The following ZFAND4 variants were observed in gnomAD, a reference collection of about 807,000 sequenced individuals.
The protein encoded by ZFAND4 is AN1-type zinc finger protein 4.
ZFAND4 carries 43 observed loss-of-function variants against 64.4 expected under a neutral mutation model. That is an observed-to-expected ratio of 0.67 (90% CI 0.52 to 0.86). ZFAND4 has a LOEUF of 0.86. Among genes scored for constraint, ZFAND4 ranks in the 40% least tolerant of loss-of-function variants. The probability of loss-of-function intolerance (pLI) is 0.00; values close to 1 mark genes in which losing one functional copy is unlikely to be tolerated. For synonymous variants in ZFAND4, 296 were observed against 305.7 expected, an observed-to-expected ratio of 0.97 and a Z score of 0.33; for missense variants, 929 against 859.8, an observed-to-expected ratio of 1.08 and a Z score of -1.01.
rs12267385 is a variant in ZFAND4, at chr10:45,626,751, G to A, written c.1072C>T (p.His358Tyr). The A allele has an allele frequency of 5.3e-3, 8,531 of 1,614,158 alleles. 306 individuals carry two copies. In the African/African-American group the frequency reaches 0.079, roughly 15 times the overall value. ...TGCCTAGGCAGGGATGATCCAAGAT[G>A]GAGAACAGAGTCAGCAAGCTCCTGG... is the stretch of plus-strand genomic sequence containing the variant. ...NDQELADSVLHLGSSLPRQTK... is the reference protein window; with the variant it reads ...NDQELADSVLYLGSSLPRQTK... Residue 358 changes from histidine to tyrosine, a missense_variant, in exon 7 of 10, where the codon CAT (histidine) becomes TAT (tyrosine). Physicochemically the swap from His to Tyr is moderately conservative, Grantham distance 83. Coordinates refer to ENST00000344646, the MANE Select transcript of ZFAND4 (RefSeq NM_174890.4).
rs146866329 is a variant in ZFAND4 at position 45,626,820 on chromosome 10, C to G, written c.1003G>C (p.Val335Leu). 1 of 1,614,056 alleles carries G rather than the reference C, an allele frequency of 6.2e-7. No individual in the cohort carries two copies. The highest frequency in any genetic ancestry group is 1.3e-5 in the African/African-American group (1 of 74,920). The stretch of plus-strand genomic sequence containing the variant: ...TGGGGTATCTGAGGAGGTAGTTTGA[C>G]GTTGCTACTGAAGTGAGACAGTGTG... ...NNTLSHFSSN[V>L]KLPPQIPHLE... The change falls in exon 7 of 10, where the codon GTC becomes CTC. Residue 335 changes from valine (V) to leucine (L), a missense_variant. Coordinates refer to ENST00000344646, the MANE Select transcript of ZFAND4 (RefSeq NM_174890.4).
intron 5 of ZFAND4, among the ~76,000 whole-genome samples, chr10:45,645,369 G>A (rs1274563240): frequency 2.6e-5 from 4 of 152,142 alleles, no homozygotes; most frequent in African/African-American, 9.7e-5. Context: ...TAAACCAGCA[G>A]TGTTAATGGT....
At chr10:45,669,911 C>A (rs2049068721) in intron 1 of ZFAND4, among the ~76,000 whole-genome samples, 1 of 152,158 alleles carries the variant, frequency 6.6e-6, no homozygotes, top group Admixed American at 6.5e-5. Context: ...ATGACAAACT[C>A]ACAGCCAATA....
At chr10:45,657,931 T>C (rs573316437) in intron 2 of ZFAND4, among the ~76,000 whole-genome samples, 9 of 152,264 alleles carry the variant, frequency 5.9e-5, no homozygotes, top group Admixed American at 5.9e-4. Flanking sequence ...GGGCTTGGAA[T>C]AGAGGAAGGG....
intron 8 of ZFAND4, 75 bp downstream of exon 8, chr10:45,624,508 C>T: frequency 7.2e-7 from 1 of 1,392,120 alleles, no homozygotes; most frequent in Non-Finnish European, 1.0e-6. Context: ...TCCCATTTCT[C>T]TTTGAAAATT....
intron 5 of ZFAND4, among the ~76,000 whole-genome samples, chr10:45,644,571 T>C (rs1274507600): frequency 6.6e-6 from 1 of 152,230 alleles, no homozygotes; most frequent in Non-Finnish European, 1.5e-5. Context: ...AGTGAATTAA[T>C]TCACTATTGA....
In ZFAND4 at chr10:45,667,531, C is replaced by T. The variant is rs561792422; in HGVS notation, c.-117-3689G>A. Among the ~76,000 whole-genome samples the T allele has an allele frequency of 2.6e-3, 374 of 143,446 alleles. 2 individuals are homozygous for T. The highest frequency in any genetic ancestry group is 9.1e-3 in the African/African-American group (350 of 38,294). The allele number at this position is 143,446 out of a possible 152,430, so 94.1% of individuals were successfully genotyped here. A position where few individuals can be genotyped will look rare whatever the true frequency, so the allele number is the denominator to read the frequency against. On this transcript the variant is annotated intron_variant, in intron 1 of 9. Coordinates refer to ENST00000344646, the MANE Select transcript of ZFAND4 (RefSeq NM_174890.4). ...TTGCCCGGGCTGAAGTGAAATGGCA[C>T]GATCTCCGCTTATTGTAACCTCCGC...
chr10:45,637,268 G>C (rs2133675679), intron 6 of ZFAND4, among the ~76,000 whole-genome samples: 1 of 149,840 alleles, frequency 6.7e-6, no homozygotes, highest in East Asian at 2.0e-4. Flanking sequence ...TTGAACCAAG[G>C]AGGTGGAGGT....
At chr10:45,667,199 CT>C (rs2048879687) in intron 1 of ZFAND4, among the ~76,000 whole-genome samples, 1 of 151,726 alleles carries the variant, frequency 6.6e-6, no homozygotes, top group African/African-American at 2.4e-5. Flanking sequence ...AAATTTATTC[CT>C]AAGTATTTTA....
intron 1 of ZFAND4, among the ~76,000 whole-genome samples, chr10:45,666,294 T>C (rs76238709): frequency 0.059 from 8,913 of 152,282 alleles, 376 homozygotes; most frequent in African/African-American, 0.12. Flanking sequence ...TCCATTTCTT[T>C]AAAAACTAAT....
chr10:45,640,439 A>G (rs1024785803), intron 5 of ZFAND4: 12 of 1,241,568 alleles, frequency 9.7e-6, no homozygotes, highest in African/African-American at 1.6e-5. Flanking sequence ...AAAAAAAAAA[A>G]AAAGAATTCA....
At chr10:45,619,195 C>G (rs559345405) in intron 8 of ZFAND4, among the ~76,000 whole-genome samples, 7 of 151,888 alleles carry the variant, frequency 4.6e-5, no homozygotes, top group Admixed American at 1.3e-4. Context: ...CGCACCACCA[C>G]GCTCAGCTTT....
chr10:45,634,176 C>T (rs1367045520), intron 6 of ZFAND4, among the ~76,000 whole-genome samples: 1 of 152,094 alleles, frequency 6.6e-6, no homozygotes, highest in Non-Finnish European at 1.5e-5. Flanking sequence ...AAACAGAAAG[C>T]AAATGTGGGA....
At chr10:45,646,938 TGTCACA>T (rs1191697567) in intron 5 of ZFAND4, among the ~76,000 whole-genome samples, 2 of 152,230 alleles carry the variant, frequency 1.3e-5, no homozygotes, top group African/African-American at 4.8e-5. Context: ...AACACCCATG[TGTCACA>T]GTCTGCTCTC....
intron 8 of ZFAND4, among the ~76,000 whole-genome samples, chr10:45,624,215 T>C (rs138362344): frequency 1.3e-3 from 193 of 152,298 alleles, no homozygotes; most frequent in African/African-American, 4.4e-3. Flanking sequence ...ACCTCTGATG[T>C]TTGGCCATGA....
intron 1 of ZFAND4, among the ~76,000 whole-genome samples, chr10:45,668,332 TGA>T (rs1431474744): frequency 6.6e-6 from 1 of 152,234 alleles, no homozygotes; most frequent in Non-Finnish European, 1.5e-5. Context: ...AAGCAAATGC[TGA>T]GAGATTTTGT....
At chr10:45,627,142 G>GT (rs2045892501) in intron 6 of ZFAND4, 37 bp from the exon 7 acceptor site, 1 of 1,484,194 alleles carries the variant, frequency 6.7e-7, no homozygotes. Flanking sequence ...TTACACAGTC[G>GT]TTTTCTCTGC....
rs781078299 is a variant in ZFAND4 at position 45,648,397 on chromosome 10, C to A, written c.466G>T (p.Ala156Ser). 5 of 1,613,962 alleles carry A rather than the reference C, an allele frequency of 3.1e-6. No individual in the cohort carries two copies. The Admixed American group carries it at 8.3e-5, about 27-fold the overall frequency. Residue 156 changes from alanine (A) to serine (S), a missense_variant, in exon 5 of 10, where the codon GCA becomes TCA. Ala to Ser is a moderately conservative substitution (Grantham distance 99, BLOSUM62 1). Transcript: ENST00000344646. ...AAAGTGCCATCTCCCCTATCTACTG[C>A]AGGAAAGAAATTCAATTGATCTCCT... is the stretch of plus-strand genomic sequence containing the variant. ...QEGDQLNFFP[A>S]VDRGDGTLTP...
chr10:45,623,724 G>C (rs991486326), intron 8 of ZFAND4, among the ~76,000 whole-genome samples: 1 of 152,058 alleles, frequency 6.6e-6, no homozygotes, highest in Admixed American at 6.5e-5. Flanking sequence ...CCCCAACAAT[G>C]TGAAAGTCAC....
Sources: gnomAD v4.1 joint callset for allele counts (sites outside exome capture counted in the v4.1 genomes callset) on GRCh38, gnomAD v4.1.1 for gene constraint, MANE v1.5 for transcripts, NCBI Gene and HGNC (gene_info 2026-07-23, HGNC 2026-07-21) for gene names.